Variants in ELP4 observed in about 807,000 individuals in gnomAD.
The protein encoded by ELP4 is elongator complex protein 4.
ELP4 carries 51 observed loss-of-function variants against 48.9 expected under a neutral mutation model. The ratio of observed to expected loss-of-function variants is 1.04; its 90% CI spans 0.83 to 1.32. The LOEUF (loss-of-function observed/expected upper bound fraction) is 1.32. Among genes scored for constraint, ELP4 ranks in the 40% most tolerant of loss-of-function variants. ELP4 has a pLI of 0.00. For missense variants in ELP4, 519 were observed against 514.6 expected (o/e 1.01, Z -0.08); for synonymous variants, 210 against 189.2 (o/e 1.11, Z -0.90).
At chr11:31,758,821 C>A (rs542619586) in intron 9 of ELP4, among the ~76,000 whole-genome samples, 1 of 152,100 alleles carries the variant, frequency 6.6e-6, no homozygotes, top group South Asian at 2.1e-4. Context: ...GTGCACACCA[C>A]CACACTCAGC....
intron 9 of ELP4, among the ~76,000 whole-genome samples, chr11:31,659,509 A>G (rs572202060): frequency 6.6e-6 from 1 of 152,292 alleles, no homozygotes; most frequent in Admixed American, 6.5e-5. Flanking sequence ...ATCAGTTGAA[A>G]TACCTGACCC....
chr11:31,546,818 A>G (rs1292428878), intron 3 of ELP4, among the ~76,000 whole-genome samples: 1 of 152,212 alleles, frequency 6.6e-6, no homozygotes, highest in African/African-American at 2.4e-5. Flanking sequence ...ACTAGAACTC[A>G]GGATTAAGAA....
In ELP4 at chr11:31,539,981, G is replaced by A. The variant is rs572248548; in HGVS notation, c.381+198G>A. Among the ~76,000 whole-genome samples the A allele has an allele frequency of 2.0e-5, 3 of 152,112 alleles. No homozygotes were observed. In the Middle Eastern group the frequency reaches 0.01, roughly 521 times the overall value. ...GATTACATTTTAAACTAATGTTTTT[G>A]AACAAATTTTTTAAAGTTCATATGA... On this transcript the variant is annotated intron_variant, in intron 3 of 9. Coordinates refer to ENST00000640961, the MANE Select transcript of ELP4 (RefSeq NM_019040.5).
rs1445907091 is a variant in ELP4 at position 31,619,766 on chromosome 11, G to C, written c.654-7344G>C. Among the ~76,000 whole-genome samples the C allele has an allele frequency of 2.0e-5, 3 of 151,678 alleles. No homozygotes were observed. In the East Asian group the frequency reaches 5.8e-4, roughly 29 times the overall value. ...GTTGTATAGATTATGTCATTACTCA[G>C]ATATTATGCCTAGTACCCATTAGTT... On this transcript the variant is annotated intron_variant, in intron 5 of 9. Transcript: ENST00000640961.
chr11:31,671,510 GA>G (rs1468178900), intron 9 of ELP4, among the ~76,000 whole-genome samples: 1 of 152,088 alleles, frequency 6.6e-6, no homozygotes, highest in Non-Finnish European at 1.5e-5. Context: ...AGACATTATA[GA>G]TAAATAGCTT....
intron 9 of ELP4, among the ~76,000 whole-genome samples, chr11:31,721,891 CTTG>C (rs556480961): frequency 2.6e-3 from 399 of 152,254 alleles, no homozygotes; most frequent in Non-Finnish European, 3.1e-3. Flanking sequence ...TAACTTATAA[CTTG>C]TTGTAATGAT....
At chr11:31,663,706 T>A (rs1322129132) in intron 9 of ELP4, 1 of 151,994 alleles carries the variant, frequency 6.6e-6, no homozygotes, top group Non-Finnish European at 1.5e-5. Flanking sequence ...ATGTAGGAAT[T>A]TCTTAGACAA....
Position 31,695,855 on chromosome 11 carries a change from T to G in ELP4, c.1143+45634T>G, listed in dbSNP as rs985280282. Among the ~76,000 whole-genome samples the G allele has an allele frequency of 2.0e-5, 3 of 148,338 alleles. No homozygotes were observed. In the East Asian group the frequency reaches 5.9e-4, roughly 29 times the overall value. On this transcript the variant is annotated intron_variant, in intron 9 of 9. Coordinates refer to ENST00000640961, the MANE Select transcript of ELP4 (RefSeq NM_019040.5). ...TGCCTCAATTTCAGAGCCTGTTATT[T>G]GTCTATTCAGGGATTCAACTTCTTC...
At chr11:31,693,797 A>T (rs1016073272) in intron 9 of ELP4, among the ~76,000 whole-genome samples, 1 of 152,124 alleles carries the variant, frequency 6.6e-6, no homozygotes, top group Non-Finnish European at 1.5e-5. Flanking sequence ...AAGTGTTCCT[A>T]TTTCTCCACA....
chr11:31,720,076 A>G (rs538690191), intron 9 of ELP4: 4 of 151,556 alleles, frequency 2.6e-5, no homozygotes, highest in South Asian at 4.2e-4. Context: ...AGTTATATTG[A>G]CTACTTCATC....
intron 3 of ELP4, among the ~76,000 whole-genome samples, chr11:31,569,234 A>G (rs1043494207): frequency 1.3e-5 from 2 of 152,236 alleles, no homozygotes; most frequent in African/African-American, 4.8e-5. Flanking sequence ...ATTTGCAACA[A>G]AAAGAAAAAT....
chr11:31,521,545 T>G (rs770923050), intron 2 of ELP4, among the ~76,000 whole-genome samples: 3 of 152,130 alleles, frequency 2.0e-5, no homozygotes, highest in Admixed American at 2.0e-4. Context: ...CTTTTTAGAT[T>G]ATTGCAGTTT....
chr11:31,520,013 G>A (rs1956187211), intron 1 of ELP4, 43 bp from the exon 2 acceptor site: 1 of 1,603,518 alleles, frequency 6.2e-7, no homozygotes, highest in African/African-American at 1.3e-5. Flanking sequence ...AAAGGTAATG[G>A]AAAAGGTAAA....
At chr11:31,620,953 A>G (rs1197190136) in intron 5 of ELP4, among the ~76,000 whole-genome samples, 1 of 151,930 alleles carries the variant, frequency 6.6e-6, no homozygotes, top group African/African-American at 2.4e-5. Context: ...CAGTATTCTT[A>G]GCTGAAAATC....
At chr11:31,768,959 A>G (rs1948089456) in intron 9 of ELP4, among the ~76,000 whole-genome samples, 1 of 152,196 alleles carries the variant, frequency 6.6e-6, no homozygotes, top group African/African-American at 2.4e-5. Flanking sequence ...GCCCAGAAAT[A>G]CTTCGCAGAC....
At chr11:31,743,233 C>G (rs1478248381) in intron 9 of ELP4, among the ~76,000 whole-genome samples, 4 of 152,074 alleles carry the variant, frequency 2.6e-5, no homozygotes, top group Admixed American at 6.5e-5. Flanking sequence ...ACAGGAGCAC[C>G]CAGATTCATA....
intron 3 of ELP4, among the ~76,000 whole-genome samples, chr11:31,553,324 A>G (rs973221098): frequency 3.3e-5 from 5 of 152,142 alleles, no homozygotes; most frequent in Admixed American, 6.6e-5. Context: ...GAGTGTTTTG[A>G]AAGGAATTAA....
rs529746486 is a variant in ELP4 at position 31,555,127 on chromosome 11, G to A, written c.381+15344G>A. ...TAAAATTTATCTGAGGGGGATATCC[G>A]TGGGGACGAGAAATGATTTGACTAT... On this transcript the variant is annotated intron_variant, in intron 3 of 9. Coordinates refer to ENST00000640961, the MANE Select transcript of ELP4 (RefSeq NM_019040.5). Among the ~76,000 whole-genome samples, 74 of 152,206 alleles carry A rather than the reference G, an allele frequency of 4.9e-4. 1 individual carries two copies. The highest frequency in any genetic ancestry group is 1.6e-3 in the African/African-American group (65 of 41,524).
chr11:31,515,501 A>T (rs1466568316), intron 1 of ELP4, among the ~76,000 whole-genome samples: 3 of 152,090 alleles, frequency 2.0e-5, no homozygotes, highest in African/African-American at 7.2e-5. Flanking sequence ...TCAAAGAATT[A>T]AAAAAGAAAA....
Sources: allele counts gnomAD v4.1 joint callset (sites outside exome capture counted in the v4.1 genomes callset), GRCh38; gene constraint gnomAD v4.1.1; transcripts MANE v1.5; gene names NCBI Gene and HGNC (gene_info 2026-07-23, HGNC 2026-07-21).